COL4A1: variants seen among roughly 807,000 people sequenced by gnomAD.
COL4A1 encodes the protein collagen type IV alpha 1 chain.
COL4A1 carries 40 observed loss-of-function variants against 216.6 expected under a neutral mutation model. The ratio of observed to expected loss-of-function variants is 0.18; its 90% CI spans 0.14 to 0.24. COL4A1 has a LOEUF of 0.24. COL4A1 is among the 10% of genes least tolerant of loss of function. The pLI, the probability that COL4A1 is intolerant of heterozygous loss-of-function variation, is 1.00. For missense variants in COL4A1, 1,628 were observed against 2,196.8 expected, an observed-to-expected ratio of 0.74 and a Z score of 5.18; for synonymous variants, 839 against 810.7, an observed-to-expected ratio of 1.03 and a Z score of -0.59.
chr13:110,192,949 A>G (rs1878710736), intron 22 of COL4A1, 36 bp from the exon 23 acceptor site: 6 of 1,591,712 alleles, frequency 3.8e-6, no homozygotes, highest in Non-Finnish European at 5.2e-6. Context: ...TACGTGTAAC[A>G]TGTGACCAGA....
intron 41 of COL4A1, among the ~76,000 whole-genome samples, chr13:110,172,149 A>C (rs1877674347): frequency 2.6e-5 from 4 of 152,180 alleles, no homozygotes; most frequent in South Asian, 4.1e-4. Flanking sequence ...GCTGTGTGTG[A>C]GCTCCTGGCT....
intron 24 of COL4A1, among the ~76,000 whole-genome samples, chr13:110,189,828 T>C (rs1273541444): frequency 6.6e-6 from 1 of 152,170 alleles, no homozygotes; most frequent in East Asian, 1.9e-4. Flanking sequence ...GGACAGTCTA[T>C]TTGCAGAGCT....
intron 2 of COL4A1, among the ~76,000 whole-genome samples, chr13:110,224,469 T>G (rs1320155862): frequency 6.6e-6 from 1 of 152,146 alleles, no homozygotes. Flanking sequence ...ATTACAGACG[T>G]GCACCATCAT....
In COL4A1 at chr13:110,152,604, G is replaced by A. The variant is rs977588564; in HGVS notation, c.4756-98C>T. The A allele has an allele frequency of 3.3e-5, 45 of 1,378,402 alleles. No homozygotes were observed. The African/African-American group carries it at 5.1e-4, about 16-fold the overall frequency. 85.4% of individuals were successfully genotyped at this position (1,378,402 alleles called of 1,614,324 possible). A position where few individuals can be genotyped will look rare whatever the true frequency, so the allele number is the denominator to read the frequency against. ...GGAAGGCGCCAGGGTGTTCCCTCTG[G>A]AAAGCCACACACTGCAGCCTCATGT... is the stretch of plus-strand genomic sequence containing the variant. On this transcript the variant is annotated intron_variant, in intron 50 of 51. Transcript: ENST00000375820.
intron 1 of COL4A1, among the ~76,000 whole-genome samples, chr13:110,272,973 G>A (rs944069793): frequency 3.3e-5 from 5 of 152,214 alleles, no homozygotes; most frequent in South Asian, 2.1e-4. Context: ...CAAAGGGAAC[G>A]TTCTCCTCCA....
rs538484605 is a variant in COL4A1 at position 110,213,098 on chromosome 13, G to A, written c.280-480C>T. ...TGTAAAGGCATAAGAGTGATACAATGGACTTCGGGACTCAGGTGGGGGGAA... is the reference window on the plus strand; with the variant it reads ...TGTAAAGGCATAAGAGTGATACAATAGACTTCGGGACTCAGGTGGGGGGAA... On this transcript the variant is annotated intron_variant, in intron 4 of 51. Coordinates refer to ENST00000375820, the MANE Select transcript of COL4A1 (RefSeq NM_001845.6). 4.6e-5 allele frequency among the ~76,000 whole-genome samples: 7 copies of A among 152,182 alleles called. No homozygotes were observed. The East Asian group carries it at 1.4e-3, about 29-fold the overall frequency.
rs185390916 is a variant in COL4A1 at position 110,149,683 on chromosome 13, C to G, written c.*680G>C. 1.3e-5 allele frequency: 2 copies of G among 152,520 alleles called. No homozygotes were observed. Among genetic ancestry groups the G allele is most frequent in the East Asian group, 3.9e-4 (2 of 5,186 alleles). The allele number at this position is 152,520 out of a possible 1,614,324, so 9.4% of individuals were successfully genotyped here. Reference sequence around the variant, plus strand: ...AGTGGAAGTTAAACTAAACCTTGATCTGCCTAATTGCTGACATCTATATAA... The same window carrying G: ...AGTGGAAGTTAAACTAAACCTTGATGTGCCTAATTGCTGACATCTATATAA... On this transcript the variant is annotated 3_prime_UTR_variant, in exon 52 of 52. Coordinates refer to ENST00000375820, the MANE Select transcript of COL4A1 (RefSeq NM_001845.6).
At chr13:110,299,403 A>T (rs1241001808) in intron 1 of COL4A1, among the ~76,000 whole-genome samples, 1 of 152,218 alleles carries the variant, frequency 6.6e-6, no homozygotes, top group African/African-American at 2.4e-5. Flanking sequence ...GGGCCCTTCC[A>T]GCCCCAAGGG....
intron 28 of COL4A1, 125 bp downstream of exon 28, chr13:110,182,868 G>T: frequency 2.4e-6 from 2 of 846,764 alleles, no homozygotes; most frequent in Non-Finnish European, 3.7e-6. Flanking sequence ...CACTGCTTGG[G>T]CTCTTCTGAA....
At chr13:110,179,106 C>CTT in intron 30 of COL4A1, 70 bp from the exon 31 acceptor site, 2 of 1,533,448 alleles carry the variant, frequency 1.3e-6, no homozygotes, top group Non-Finnish European at 1.8e-6. Context: ...GAGACCCATG[C>CTT]ACACGAATGG....
intron 1 of COL4A1, among the ~76,000 whole-genome samples, chr13:110,269,905 T>G (rs1323174528): frequency 1.3e-5 from 2 of 152,044 alleles, no homozygotes; most frequent in Non-Finnish European, 2.9e-5. Context: ...GGGTGAAATG[T>G]CAGCAGGAGG....
chr13:110,190,840 T>C (rs1157297480), intron 24 of COL4A1: 1 of 152,212 alleles, frequency 6.6e-6, no homozygotes, highest in Non-Finnish European at 1.5e-5. Context: ...TGGGGTTGTA[T>C]GTTTTCTTTC....
intron 23 of COL4A1, 49 bp from the exon 24 acceptor site, chr13:110,192,333 A>G: frequency 9.1e-6 from 14 of 1,539,460 alleles, no homozygotes; most frequent in African/African-American, 1.4e-5. Flanking sequence ...TTCATGAGAC[A>G]CTTCTCAAAA....
chr13:110,285,142 T>G (rs1241407731), intron 1 of COL4A1, among the ~76,000 whole-genome samples: 1 of 152,242 alleles, frequency 6.6e-6, no homozygotes, highest in Admixed American at 6.5e-5. Context: ...TTTTCTAACA[T>G]GAGTTATTTT....
At position 110,174,613 on chromosome 13, in the gene COL4A1, C is replaced by A. The variant is rs761475364; in HGVS notation, c.3325+10G>T. On this transcript the variant is annotated intron_variant, in intron 38 of 51. Transcript: ENST00000375820. ...ATTCCCCAAGTCCAAGAGAAGCCCC[C>A]CTCACCTACCTGGATAGCCAACACT... is the stretch of plus-strand genomic sequence containing the variant. 6.2e-7 allele frequency: 1 copy of A among 1,614,130 alleles called. No homozygotes were observed. The highest frequency in any genetic ancestry group is 8.5e-7 in the Non-Finnish European group (1 of 1,180,020).
rs576690537 is a variant in COL4A1, at chr13:110,187,210, G to A, written c.1656C>T (p.Pro552=). 29 of 1,613,926 alleles carry A rather than the reference G, an allele frequency of 1.8e-5. No individual in the cohort carries two copies. The South Asian group carries it at 2.3e-4, about 13-fold the overall frequency. The stretch of plus-strand genomic sequence containing the variant: ...GAGAACCCGCTCTCCCTGGCATGCC[G>A]GGCTGTCCTGGAAAGCCTGGGTCTC... ...DKGDPGFPGQ[P]GMPGRAGSPG... is the part of the protein sequence containing the mutation. Residue 552 remains proline, a synonymous_variant, in exon 25 of 52, where the codon CCC becomes CCT. Coordinates refer to ENST00000375820, the MANE Select transcript of COL4A1 (RefSeq NM_001845.6).
rs569211567 is a variant in COL4A1, at chr13:110,212,867, T to C, written c.280-249A>G. On this transcript the variant is annotated intron_variant, in intron 4 of 51. Transcript: ENST00000375820. ...CCACTGCAAAGATATGGAACCAACC[T>C]AAGTACCTACCAACCAACGAGTGGA... Among the ~76,000 whole-genome samples the C allele has an allele frequency of 5.8e-4, 89 of 152,254 alleles. 1 individual carries two copies. The South Asian group carries it at 9.3e-3, about 16-fold the overall frequency.
At chr13:110,251,110 C>T (rs1422091049) in intron 1 of COL4A1, among the ~76,000 whole-genome samples, 1 of 152,182 alleles carries the variant, frequency 6.6e-6, no homozygotes, top group Non-Finnish European at 1.5e-5. Flanking sequence ...CAGACAGGCA[C>T]GAAAAAAGAC....
intron 1 of COL4A1, among the ~76,000 whole-genome samples, chr13:110,281,628 G>A (rs990406993): frequency 6.6e-6 from 1 of 152,180 alleles, no homozygotes; most frequent in Non-Finnish European, 1.5e-5. Flanking sequence ...AAGAAGACTA[G>A]TCAAGATTTG....
Sources: gnomAD v4.1 joint callset for allele counts (sites outside exome capture counted in the v4.1 genomes callset) on GRCh38, gnomAD v4.1.1 for gene constraint, MANE v1.5 for transcripts, NCBI Gene and HGNC (gene_info 2026-07-23, HGNC 2026-07-21) for gene names.